MTCL2: variants seen among roughly 807,000 people sequenced by gnomAD.
MTCL2 encodes the protein microtubule crosslinking factor 2.
chr20:36,863,319 G>T, the MTCL2 span: 3 of 1,180,372 alleles, frequency 2.5e-6, no homozygotes, highest in Non-Finnish European at 3.1e-6. This position sits in a 1 kb window ranked among gnomAD's most constrained non-coding sequence, Gnocchi z 6.2. Flanking sequence ...GCCCCGGACC[G>T]GGGGCTCGGC....
At chr20:36,862,001 G>A in the MTCL2 span, among the ~76,000 whole-genome samples, 1 of 152,240 alleles carries the variant, frequency 6.6e-6, no homozygotes, top group Non-Finnish European at 1.5e-5. Context: ...GTCTGCCCCA[G>A]GGAGGGCAAA....
At chr20:36,862,835 C>T in the MTCL2 span, 10 of 1,304,508 alleles carry the variant, frequency 7.7e-6, no homozygotes, top group South Asian at 1.6e-4. Flanking sequence ...CGGGCGGCCG[C>T]GGGGGCTGCT....
At chr20:36,816,131 A>G in the MTCL2 span, 5 of 1,613,582 alleles carry the variant, frequency 3.1e-6, no homozygotes, top group Admixed American at 5.0e-5. Context: ...AGTGGGGGGC[A>G]TCGGCCAGCT....
the MTCL2 span, chr20:36,786,401 T>C: frequency 7.0e-7 from 1 of 1,433,018 alleles, no homozygotes; most frequent in Non-Finnish European, 9.2e-7. Context: ...ACACAGCCCC[T>C]CGCCTCACCT....
At chr20:36,813,752 C>CAAAAAAAAAAAAAAAAAAAAA in the MTCL2 span, among the ~76,000 whole-genome samples, 9 of 65,780 alleles carry the variant, frequency 1.4e-4, no homozygotes, top group Non-Finnish European at 1.8e-4. Context: ...GACTCTGTCT[C>CAAAAAAAAAAAAAAAAAAAAA]AAAAAAAAAA....
chr20:36,811,557 GAA>G, the MTCL2 span, among the ~76,000 whole-genome samples: 1 of 151,344 alleles, frequency 6.6e-6, no homozygotes, highest in Non-Finnish European at 1.5e-5. Flanking sequence ...TTGAACTCAG[GAA>G]ATGGAGGTTA....
the MTCL2 span, among the ~76,000 whole-genome samples, chr20:36,792,328 T>G: frequency 2.0e-5 from 3 of 152,048 alleles, no homozygotes; most frequent in African/African-American, 7.2e-5. Context: ...GCCAACATGG[T>G]GAAACCCCGT....
chr20:36,815,671 G>T, the MTCL2 span: 2 of 1,607,696 alleles, frequency 1.2e-6, no homozygotes. This position sits in a 1 kb window ranked among gnomAD's most constrained non-coding sequence, Gnocchi z 5.3. Context: ...TTCTCGTACT[G>T]CAGCTTCTTG....
At chr20:36,800,497 G>A in the MTCL2 span, among the ~76,000 whole-genome samples, 1 of 152,188 alleles carries the variant, frequency 6.6e-6, no homozygotes, top group African/African-American at 2.4e-5. Context: ...GCAGGAAAGT[G>A]GGCATGGCCC....
At chr20:36,793,463 G>C in the MTCL2 span, 1 of 1,551,158 alleles carries the variant, frequency 6.4e-7, no homozygotes, top group South Asian at 1.2e-5. The surrounding 1 kb of genome is among the most constrained non-coding windows in gnomAD (Gnocchi z 6.8). Flanking sequence ...GGTGGGGCTC[G>C]GTGCCCGGCC....
the MTCL2 span, chr20:36,802,797 T>C: frequency 6.5e-7 from 1 of 1,532,774 alleles, no homozygotes; most frequent in Non-Finnish European, 8.8e-7. Context: ...TGCTTCTGAA[T>C]CATTTCTGTA....
the MTCL2 span, among the ~76,000 whole-genome samples, chr20:36,851,498 C>T: frequency 6.6e-6 from 1 of 152,202 alleles, no homozygotes; most frequent in African/African-American, 2.4e-5. Context: ...AACCAGCAGC[C>T]ACCTCACCTG....
the MTCL2 span, chr20:36,785,037 T>C: frequency 1.0e-6 from 1 of 985,378 alleles, no homozygotes; most frequent in African/African-American, 1.7e-5. Flanking sequence ...ATGGAGAACG[T>C]CTGGGGAGTG....
chr20:36,794,943 C>A, the MTCL2 span, among the ~76,000 whole-genome samples: 1 of 145,074 alleles, frequency 6.9e-6, no homozygotes, highest in Non-Finnish European at 1.5e-5. This position sits in a 1 kb window ranked among gnomAD's most constrained non-coding sequence, Gnocchi z 5.4. Flanking sequence ...TTTTTTTTTT[C>A]TTTTTTTTTT....
the MTCL2 span, among the ~76,000 whole-genome samples, chr20:36,789,131 G>T: frequency 6.6e-6 from 1 of 152,170 alleles, no homozygotes. Context: ...CGTAAAAGAA[G>T]AACTACTGGG....
chr20:36,848,843 G>A, the MTCL2 span, among the ~76,000 whole-genome samples: 2 of 151,802 alleles, frequency 1.3e-5, no homozygotes, highest in Non-Finnish European at 2.9e-5. Context: ...CATTATATGA[G>A]TAATATCTGT....
chr20:36,802,527 A>G, the MTCL2 span, among the ~76,000 whole-genome samples: 17 of 152,046 alleles, frequency 1.1e-4, no homozygotes, highest in African/African-American at 3.9e-4. Context: ...GGGTGGGCAC[A>G]TGACTCATAT....
At chr20:36,852,899 A>G in the MTCL2 span, among the ~76,000 whole-genome samples, 3 of 151,690 alleles carry the variant, frequency 2.0e-5, no homozygotes, top group Non-Finnish European at 4.4e-5. Context: ...TCTACTAAAA[A>G]TACAAAAATT....
chr20:36,789,309 A>C, the MTCL2 span, among the ~76,000 whole-genome samples: 4 of 152,148 alleles, frequency 2.6e-5, no homozygotes, highest in African/African-American at 9.7e-5. Context: ...AGGTGCCGAG[A>C]TATTACGTAA....
Sources: gnomAD v4.1 joint callset for allele counts (sites outside exome capture counted in the v4.1 genomes callset) on GRCh38, gnomAD v4.1.1 for gene constraint, Gnocchi (gnomAD v3.1) non-coding constraint, MANE v1.5 for transcripts, NCBI Gene and HGNC (gene_info 2026-07-23, HGNC 2026-07-21) for gene names.